SOX5: variants seen among roughly 807,000 people sequenced by gnomAD.
SOX5 encodes the protein transcription factor SOX-5.
SOX5 carries 9 observed loss-of-function variants against 92.0 expected under a neutral mutation model. The ratio of observed to expected loss-of-function variants is 0.10; its 90% CI spans 0.06 to 0.17. SOX5 has a LOEUF of 0.17. Ranked by LOEUF, SOX5 falls within the 10% of genes least tolerant of loss-of-function variation. The pLI is 1.00. For missense variants in SOX5, 642 were observed against 944.5 expected, an observed-to-expected ratio of 0.68 and a Z score of 4.20; for synonymous variants, 344 against 336.3, an observed-to-expected ratio of 1.02 and a Z score of -0.25.
chr12:23,899,230 C>T (rs553738769), intron 1 of SOX5, among the ~76,000 whole-genome samples: 2 of 151,984 alleles, frequency 1.3e-5, no homozygotes, highest in South Asian at 2.1e-4. Flanking sequence ...GGAGAAACCC[C>T]ATCTCTACTA....
intron 1 of SOX5, among the ~76,000 whole-genome samples, chr12:24,542,465 G>A (rs559221929): frequency 2.6e-5 from 4 of 152,062 alleles, no homozygotes; most frequent in Non-Finnish European, 5.9e-5. Flanking sequence ...ATAATACAAC[G>A]TTCTTAGCCC....
chr12:23,810,404 GAC>G (rs1264904549), intron 3 of SOX5, among the ~76,000 whole-genome samples: 1 of 152,138 alleles, frequency 6.6e-6, no homozygotes, highest in Non-Finnish European at 1.5e-5. Context: ...CATTCAGAGA[GAC>G]ACACAATGCA....
At chr12:24,486,891 A>G (rs1055136982) in intron 1 of SOX5, among the ~76,000 whole-genome samples, 1 of 152,040 alleles carries the variant, frequency 6.6e-6, no homozygotes, top group African/African-American at 2.4e-5. Context: ...TGTAGACTTG[A>G]TGTTGATCCC....
intron 3 of SOX5, among the ~76,000 whole-genome samples, chr12:23,775,143 A>C (rs1409723494): frequency 1.3e-5 from 2 of 152,234 alleles, no homozygotes; most frequent in Admixed American, 6.5e-5. Flanking sequence ...AATAGCATGC[A>C]TATTGTATAT....
intron 9 of SOX5, among the ~76,000 whole-genome samples, chr12:23,580,646 T>C (rs141485504): frequency 6.7e-4 from 102 of 152,204 alleles, no homozygotes; most frequent in African/African-American, 2.4e-3. Context: ...AATCAATTAC[T>C]GGGCTAATTG....
intron 4 of SOX5, among the ~76,000 whole-genome samples, chr12:23,742,718 G>T (rs1467181378): frequency 1.3e-5 from 2 of 152,188 alleles, no homozygotes; most frequent in East Asian, 3.9e-4. Flanking sequence ...AAGGCTGGGT[G>T]CAGGGGCTCA....
intron 2 of SOX5, among the ~76,000 whole-genome samples, chr12:24,306,154 C>T (rs1187365903): frequency 6.6e-6 from 1 of 152,116 alleles, no homozygotes; most frequent in Admixed American, 6.5e-5. Flanking sequence ...AAGTGGAATT[C>T]AGGGCTGGCA....
chr12:24,452,718 A>C (rs76699073), intron 1 of SOX5, among the ~76,000 whole-genome samples: 4,632 of 152,274 alleles, frequency 0.03, 104 homozygotes, highest in Admixed American at 0.044. Flanking sequence ...AGAAAGGAAA[A>C]GAAGAATCCA....
intron 4 of SOX5, among the ~76,000 whole-genome samples, chr12:24,052,334 A>G (rs1957641467): frequency 6.6e-6 from 1 of 152,226 alleles, no homozygotes; most frequent in Admixed American, 6.5e-5. Context: ...TAAGTGAAAT[A>G]AATTTTTAAG....
intron 1 of SOX5, among the ~76,000 whole-genome samples, chr12:24,396,799 T>A (rs752742851): frequency 6.6e-6 from 1 of 152,248 alleles, no homozygotes; most frequent in Non-Finnish European, 1.5e-5. Flanking sequence ...AGCACCAAGA[T>A]GCTTACAACA....
At chr12:24,527,283 T>C (rs1368886815) in intron 1 of SOX5, among the ~76,000 whole-genome samples, 1 of 152,196 alleles carries the variant, frequency 6.6e-6, no homozygotes. Flanking sequence ...GCTGTCTGCA[T>C]GGGACATGTA....
chr12:24,335,987 A>ATATATATATATATATATC lies in SOX5; in HGVS notation c.-174+32575_-174+32576insGATATATATATATATATA, dbSNP rs1555235765. ...GAAATGCTATCATATATATATATAT[A>ATATATATATATATATATC]TCCATAATATTAAATTTTTCTTGTT... On this transcript the variant is annotated intron_variant, in intron 2 of 4. Transcript: ENST00000446891. 3.4e-4 allele frequency among the ~76,000 whole-genome samples: 46 copies of ATATATATATATATATATC among 134,330 alleles called. 4 individuals carry two copies. In the East Asian group the frequency reaches 8.3e-3, roughly 24 times the overall value. 88.1% of individuals were successfully genotyped at this position (134,330 alleles called of 152,430 possible).
chr12:24,243,346 G>C (rs930299792), intron 3 of SOX5, among the ~76,000 whole-genome samples: 8 of 152,090 alleles, frequency 5.3e-5, no homozygotes, highest in African/African-American at 1.9e-4. Context: ...TGTTTAAAGT[G>C]TGTTTTTCTG....
intron 2 of SOX5, among the ~76,000 whole-genome samples, chr12:23,890,390 C>G (rs778631973): frequency 8.6e-5 from 13 of 151,710 alleles, no homozygotes; most frequent in Non-Finnish European, 1.8e-4. Flanking sequence ...GAGAATTTGG[C>G]TAAGATAAAA....
At chr12:24,155,360 T>C (rs1952057874) in intron 4 of SOX5, among the ~76,000 whole-genome samples, 1 of 152,146 alleles carries the variant, frequency 6.6e-6, no homozygotes, top group South Asian at 2.1e-4. Flanking sequence ...TGTCAAACTA[T>C]TTTGAGTATT....
chr12:24,061,065 G>A (rs1439036961), intron 4 of SOX5, among the ~76,000 whole-genome samples: 1 of 151,844 alleles, frequency 6.6e-6, no homozygotes, highest in African/African-American at 2.4e-5. Context: ...AGAGCTCAAG[G>A]TAATACCTGC....
At chr12:24,201,573 T>C (rs2139551592) in intron 4 of SOX5, among the ~76,000 whole-genome samples, 1 of 152,342 alleles carries the variant, frequency 6.6e-6, no homozygotes, top group East Asian at 1.9e-4. Context: ...GTAACTATTT[T>C]GAACACAAAA....
At chr12:24,354,322 AGTGCACCATGT>A (rs1394070753) in intron 2 of SOX5, among the ~76,000 whole-genome samples, 13 of 152,246 alleles carry the variant, frequency 8.5e-5, no homozygotes, top group Admixed American at 7.8e-4. Flanking sequence ...CTGGGAAGGG[AGTGCACCATGT>A]GTGAGAAACT....
Position 23,534,861 on chromosome 12 carries a change from C to T in SOX5, c.1989-339G>A, listed in dbSNP as rs148572154. Among the ~76,000 whole-genome samples, 866 of 152,186 alleles carry T rather than the reference C, an allele frequency of 5.7e-3. 7 individuals carry two copies. The highest frequency in any genetic ancestry group is 7.3e-3 in the Non-Finnish European group (499 of 67,986). On this transcript the variant is annotated intron_variant, in intron 14 of 14. Coordinates refer to ENST00000451604, the MANE Select transcript of SOX5 (RefSeq NM_006940.6). The stretch of plus-strand genomic sequence containing the variant: ...AGTAGCTGGGAATACAGGCGCCTGC[C>T]ACCACACCTGGCTAGCTTTTGTATT...
Sources: gnomAD v4.1 joint callset for allele counts (sites outside exome capture counted in the v4.1 genomes callset) on GRCh38, gnomAD v4.1.1 for gene constraint, MANE v1.5 for transcripts, NCBI Gene and HGNC (gene_info 2026-07-23, HGNC 2026-07-21) for gene names.